Variants in ADARB1 observed in about 807,000 individuals in gnomAD.
ADARB1 encodes the protein double-stranded RNA-specific editase 1.
A neutral mutation model predicts 52.4 loss-of-function variants in ADARB1; 10 were observed. That is an observed-to-expected ratio of 0.19 (90% CI 0.12 to 0.32). ADARB1 has a LOEUF of 0.32. Among genes scored for constraint, ADARB1 ranks in the 10% least tolerant of loss-of-function variants. The probability of loss-of-function intolerance (pLI) is 1.00; values close to 1 mark genes in which losing one functional copy is unlikely to be tolerated. For synonymous variants in ADARB1, 349 were observed against 371.1 expected, an observed-to-expected ratio of 0.94 and a Z score of 0.68; for missense variants, 643 against 922.3, an observed-to-expected ratio of 0.70 and a Z score of 3.92.
rs1661311803 is a variant in ADARB1 at position 45,157,825 on chromosome 21, G to T, written c.-47-13785G>T. ...GGACCTAGGTTTCTTCCATCCTTAA[G>T]CTCTGTTCTCTAACAGAAGTCACCC... On this transcript the variant is annotated intron_variant, in intron 2 of 10. Transcript: ENST00000348831. This position sits in a 1 kb window ranked among gnomAD's most constrained non-coding sequence, Gnocchi z 4.1. Among the ~76,000 whole-genome samples the T allele has an allele frequency of 1.3e-5, 2 of 152,166 alleles. No individual in the cohort carries two copies. The highest frequency in any genetic ancestry group is 1.3e-4 in the Admixed American group (2 of 15,274).
intron 2 of ADARB1, chr21:45,145,380 C>T (rs540159971): frequency 2.0e-5 from 3 of 152,662 alleles, no homozygotes; most frequent in East Asian, 3.9e-4. Flanking sequence ...GGCAGGGCAC[C>T]CGTGTAGGAA....
At chr21:45,110,460 G>A (rs1413196305) in intron 1 of ADARB1, among the ~76,000 whole-genome samples, 1 of 152,232 alleles carries the variant, frequency 6.6e-6, no homozygotes, top group Non-Finnish European at 1.5e-5. Flanking sequence ...CAGTGAGGCG[G>A]GGGTGTGGAG....
chr21:45,133,558 G>C (rs2145851516), intron 2 of ADARB1: 1 of 176,390 alleles, frequency 5.7e-6, no homozygotes, highest in South Asian at 1.1e-4. Context: ...CATGTTCACA[G>C]TTCCTCCCGC....
rs141929698 is a variant in ADARB1, at chr21:45,224,284, A to C, written c.*2087A>C. 6.7e-3 allele frequency: 6,602 copies of C among 985,448 alleles called. 23 individuals are homozygous for C. Among genetic ancestry groups the C allele is most frequent in the Non-Finnish European group, 7.1e-3 (5,898 of 829,964 alleles). 61.0% of individuals were successfully genotyped at this position (985,448 alleles called of 1,614,324 possible). A position where few individuals can be genotyped will look rare whatever the true frequency, so the allele number is the denominator to read the frequency against. ...TCTGGCTTTTCCCTTCTGTCAGGTA[A>C]TAGCTAAAGTCAGCATGATTGCTCC... On this transcript the variant is annotated 3_prime_UTR_variant, in exon 11 of 11. Coordinates refer to ENST00000348831, the MANE Select transcript of ADARB1 (RefSeq NM_001112.4).
intron 8 of ADARB1, among the ~76,000 whole-genome samples, chr21:45,197,586 G>A (rs557111134): frequency 3.9e-5 from 6 of 152,092 alleles, no homozygotes; most frequent in Non-Finnish European, 5.9e-5. Flanking sequence ...AAATGAAAGC[G>A]TATGTCCACG....
chr21:45,102,497 A>G (rs2087063560), intron 1 of ADARB1, among the ~76,000 whole-genome samples: 1 of 152,214 alleles, frequency 6.6e-6, no homozygotes, highest in African/African-American at 2.4e-5. Context: ...GAAATAGCTG[A>G]TTCTAGGACT....
rs986938299 is a variant in ADARB1 at position 45,157,371 on chromosome 21, T to G, written c.-47-14239T>G. Among the ~76,000 whole-genome samples the G allele has an allele frequency of 6.6e-6, 1 of 152,226 alleles. No homozygotes were observed. The highest frequency in any genetic ancestry group is 2.4e-5 in the African/African-American group (1 of 41,464). ...TCGTTGTCTTTTTTTTCCCTTTGAT[T>G]CCAGAAAATTAACTACAATTTTCAA... On this transcript the variant is annotated intron_variant, in intron 2 of 10. Coordinates refer to ENST00000348831, the MANE Select transcript of ADARB1 (RefSeq NM_001112.4). This position sits in a 1 kb window ranked among gnomAD's most constrained non-coding sequence, Gnocchi z 4.1.
chr21:45,140,733 G>A (rs1247316579), intron 2 of ADARB1, among the ~76,000 whole-genome samples: 1 of 152,196 alleles, frequency 6.6e-6, no homozygotes, highest in East Asian at 1.9e-4. Context: ...TAGAGGACCT[G>A]TGAAGCAATG....
At position 45,183,341 on chromosome 21, in the gene ADARB1, T is replaced by G. The variant is rs774090998; in HGVS notation, c.1248-21T>G. ...CTATATACAGCTTTAAATGTTACTT[T>G]TGCAACTTTTTTCCTTTCAGTAACA... On this transcript the variant is annotated intron_variant, in intron 6 of 10. Coordinates refer to ENST00000348831, the MANE Select transcript of ADARB1 (RefSeq NM_001112.4). 3 of 1,591,676 alleles carry G rather than the reference T, an allele frequency of 1.9e-6. No homozygotes were observed. The South Asian group carries it at 3.5e-5, about 18-fold the overall frequency.
intron 4 of ADARB1, among the ~76,000 whole-genome samples, chr21:45,178,583 C>G (rs942279896): frequency 8.5e-5 from 13 of 152,152 alleles, no homozygotes; most frequent in African/African-American, 2.9e-4. Flanking sequence ...TTGGTGGGCT[C>G]TATTGTCCTT....
intron 5 of ADARB1, 83 bp downstream of exon 5, chr21:45,180,527 G>C (rs1421627053): frequency 1.8e-6 from 2 of 1,121,312 alleles, no homozygotes; most frequent in Non-Finnish European, 2.7e-6. Flanking sequence ...AAAAACCACT[G>C]TGCCACACCG....
At position 45,223,793 on chromosome 21, in the gene ADARB1, T is replaced by C. The variant is rs2093007805; in HGVS notation, c.*1596T>C. ...CTTCGGCGGGGGGTGTGCCTCCTGA[T>C]GTCAGGAGCCCCATCCACGTGTGTC... On this transcript the variant is annotated 3_prime_UTR_variant, in exon 11 of 11. Transcript: ENST00000348831. The C allele has an allele frequency of 1.0e-6, 1 of 985,194 alleles. No homozygotes were observed. Among genetic ancestry groups the C allele is most frequent in the Non-Finnish European group, 1.2e-6 (1 of 829,930 alleles). The allele number at this position is 985,194 out of a possible 1,614,324, so 61.0% of individuals were successfully genotyped here.
chr21:45,205,728 C>T (rs1288827785), intron 9 of ADARB1, among the ~76,000 whole-genome samples: 1 of 152,168 alleles, frequency 6.6e-6, no homozygotes, highest in African/African-American at 2.4e-5. Flanking sequence ...CTAAGCTCAC[C>T]TTTATTTAAA....
chr21:45,214,047 G>T lies in ADARB1; in HGVS notation c.1748-6789G>T, dbSNP rs769591900. On this transcript the variant is annotated intron_variant, in intron 9 of 10. Transcript: ENST00000348831. Reference sequence around the variant, plus strand: ...GTTGTAGTTCTGTCACTTATATGCCGGCACGCAGTACGAGCGGTTGCTTTA... The same window carrying T: ...GTTGTAGTTCTGTCACTTATATGCCTGCACGCAGTACGAGCGGTTGCTTTA... 2.6e-4 allele frequency among the ~76,000 whole-genome samples: 39 copies of T among 152,244 alleles called. 2 individuals are homozygous for T. Among genetic ancestry groups the T allele is most frequent in the Admixed American group, 2.4e-3 (36 of 15,294 alleles).
intron 2 of ADARB1, among the ~76,000 whole-genome samples, chr21:45,138,922 C>CTTT (rs5844226): frequency 1.1e-4 from 15 of 141,460 alleles, no homozygotes; most frequent in East Asian, 2.1e-4. Flanking sequence ...TTGTTGTCTT[C>CTTT]TTTTTTTTTT....
intron 1 of ADARB1, among the ~76,000 whole-genome samples, chr21:45,125,052 C>G (rs939260231): frequency 6.6e-6 from 1 of 152,174 alleles, no homozygotes; most frequent in Non-Finnish European, 1.5e-5. Context: ...CTGCCTCAGC[C>G]TCCCAGAGTG....
intron 9 of ADARB1, among the ~76,000 whole-genome samples, chr21:45,218,528 A>G (rs1048715708): frequency 5.3e-5 from 8 of 151,934 alleles, no homozygotes; most frequent in African/African-American, 1.9e-4. Context: ...ATTCAAGGAC[A>G]CCCTCTGCGT....
intron 4 of ADARB1, among the ~76,000 whole-genome samples, chr21:45,177,779 T>C (rs1180075470): frequency 6.6e-6 from 1 of 152,232 alleles, no homozygotes; most frequent in Non-Finnish European, 1.5e-5. Context: ...TAGTCTGAGA[T>C]GACCAGGAGT....
intron 1 of ADARB1, among the ~76,000 whole-genome samples, chr21:45,100,074 C>G (rs1383082557): frequency 6.6e-6 from 1 of 151,592 alleles, no homozygotes; most frequent in Non-Finnish European, 1.5e-5. Context: ...CCAAAACTTT[C>G]CTTTTTCTCC....
Sources: allele counts gnomAD v4.1 joint callset (sites outside exome capture counted in the v4.1 genomes callset), GRCh38; gene constraint gnomAD v4.1.1; non-coding constraint Gnocchi (gnomAD v3.1); transcripts MANE v1.5; gene names NCBI Gene and HGNC (gene_info 2026-07-23, HGNC 2026-07-21).